Variants in NXPE2 observed in about 807,000 individuals in gnomAD.
NXPE2 encodes the protein neurexophilin and PC-esterase domain family member 2.
A neutral mutation model predicts 34.4 loss-of-function variants in NXPE2; 34 were observed. The ratio of observed to expected loss-of-function variants is 0.99; its 90% CI spans 0.75 to 1.31. NXPE2 has a LOEUF of 1.31. Ranked by LOEUF, NXPE2 falls within the 40% of genes most tolerant of loss-of-function variation. The pLI is 0.00. For synonymous variants in NXPE2, 235 were observed against 231.3 expected (o/e 1.02, Z -0.15); for missense variants, 649 against 672.5 (o/e 0.97, Z 0.39).
At chr11:114,789,473 G>A in the NXPE2 span, among the ~76,000 whole-genome samples, 5 of 152,250 alleles carry the variant, frequency 3.3e-5, no homozygotes, top group East Asian at 7.7e-4. Flanking sequence ...CAGAGGAAAG[G>A]AATAAAAGAA....
chr11:114,519,957 T>C, the NXPE2 span, among the ~76,000 whole-genome samples: 2 of 96,656 alleles, frequency 2.1e-5, no homozygotes, highest in Non-Finnish European at 3.8e-5. Flanking sequence ...AGTGGTGCCA[T>C]CTCGGCGAGC....
chr11:114,737,538 T>C, the NXPE2 span, among the ~76,000 whole-genome samples: 1 of 152,172 alleles, frequency 6.6e-6, no homozygotes, highest in Non-Finnish European at 1.5e-5. Flanking sequence ...GCAAGAACGT[T>C]CCTTAGGCTA....
At chr11:114,577,096 TAA>T in the NXPE2 span, among the ~76,000 whole-genome samples, 4 of 139,482 alleles carry the variant, frequency 2.9e-5, no homozygotes, top group African/African-American at 2.7e-5. Context: ...CATATATATA[TAA>T]AGTTATATAT....
chr11:114,666,702 T>C, the NXPE2 span, among the ~76,000 whole-genome samples: 1 of 152,134 alleles, frequency 6.6e-6, no homozygotes, highest in Non-Finnish European at 1.5e-5. Context: ...TAAAGAGGTA[T>C]TAGGGTCTCA....
the NXPE2 span, among the ~76,000 whole-genome samples, chr11:114,779,702 G>A: frequency 6.6e-6 from 1 of 152,124 alleles, no homozygotes; most frequent in African/African-American, 2.4e-5. Context: ...AATGGACTGA[G>A]GGTAACAGCA....
the NXPE2 span, among the ~76,000 whole-genome samples, chr11:114,580,946 C>T: frequency 1.3e-5 from 2 of 152,126 alleles, no homozygotes; most frequent in East Asian, 1.9e-4. Flanking sequence ...GTGAGGAGCC[C>T]GTGGCAGGTT....
chr11:114,723,982 T>C, the NXPE2 span, among the ~76,000 whole-genome samples: 1 of 152,160 alleles, frequency 6.6e-6, no homozygotes, highest in Non-Finnish European at 1.5e-5. Flanking sequence ...TCAGAATTTA[T>C]CAATAACATA....
chr11:114,468,446 A>C, the NXPE2 span, among the ~76,000 whole-genome samples: 1 of 152,210 alleles, frequency 6.6e-6, no homozygotes, highest in African/African-American at 2.4e-5. Flanking sequence ...AGAAACGAGA[A>C]GGGGTCACAT....
the NXPE2 span, chr11:114,522,912 G>T: frequency 6.2e-7 from 1 of 1,613,166 alleles, no homozygotes; most frequent in South Asian, 1.1e-5. Flanking sequence ...TAGATCCACT[G>T]ACGTAGTGTA....
intron 2 of NXPE2, among the ~76,000 whole-genome samples, chr11:114,691,951 C>T (rs1164196637): frequency 2.0e-5 from 3 of 152,224 alleles, no homozygotes; most frequent in African/African-American, 7.2e-5. Flanking sequence ...GCAAAGCTGT[C>T]CCCGGCTACA....
the NXPE2 span, among the ~76,000 whole-genome samples, chr11:114,733,157 C>T: frequency 3.9e-5 from 6 of 152,158 alleles, no homozygotes; most frequent in Admixed American, 2.6e-4. Flanking sequence ...AATGCAGTGG[C>T]GCAATCTCGG....
At chr11:114,585,502 A>G in the NXPE2 span, among the ~76,000 whole-genome samples, 1 of 152,094 alleles carries the variant, frequency 6.6e-6, no homozygotes, top group South Asian at 2.1e-4. Flanking sequence ...GATAAATTGG[A>G]TTTAAGTCAA....
At chr11:114,469,303 C>T in the NXPE2 span, among the ~76,000 whole-genome samples, 38,161 of 150,590 alleles carry the variant, frequency 0.25, 4,973 homozygotes, top group East Asian at 0.37. Context: ...TTAGTAGAGA[C>T]GGGGTTTCAC....
chr11:114,552,897 G>A, the NXPE2 span: 1 of 966,824 alleles, frequency 1.0e-6, no homozygotes, highest in Non-Finnish European at 1.2e-6. Context: ...ATAAGGAGAA[G>A]CAGCAAAATT....
the NXPE2 span, among the ~76,000 whole-genome samples, chr11:114,767,546 A>G: frequency 1.3e-5 from 2 of 152,190 alleles, no homozygotes; most frequent in Non-Finnish European, 2.9e-5. Flanking sequence ...TCTATCCAAT[A>G]GCAAAACTGT....
At chr11:114,640,232 A>T in the NXPE2 span, among the ~76,000 whole-genome samples, 3 of 141,144 alleles carry the variant, frequency 2.1e-5, no homozygotes, top group African/African-American at 5.2e-5. Context: ...TATATATATA[A>T]ATTATATATT....
At chr11:114,622,924 C>T in the NXPE2 span, among the ~76,000 whole-genome samples, 2 of 147,306 alleles carry the variant, frequency 1.4e-5, no homozygotes, top group African/African-American at 5.0e-5. Context: ...GTGGATAATA[C>T]GTATTGCCTC....
At chr11:114,766,734 A>G in the NXPE2 span, among the ~76,000 whole-genome samples, 2 of 151,820 alleles carry the variant, frequency 1.3e-5, no homozygotes, top group Admixed American at 6.6e-5. Flanking sequence ...AGTTTTCCTC[A>G]TCTCACTGTG....
chr11:114,762,669 A>G, the NXPE2 span, among the ~76,000 whole-genome samples: 2 of 152,184 alleles, frequency 1.3e-5, no homozygotes, highest in Non-Finnish European at 2.9e-5. Context: ...GCACATGACT[A>G]GAGAGCAGGC....
Sources: gnomAD v4.1 joint callset for allele counts (sites outside exome capture counted in the v4.1 genomes callset) on GRCh38, gnomAD v4.1.1 for gene constraint, MANE v1.5 for transcripts, NCBI Gene and HGNC (gene_info 2026-07-23, HGNC 2026-07-21) for gene names.